CACNA2D3: variants seen among roughly 807,000 people sequenced by gnomAD.
CACNA2D3 encodes the protein calcium voltage-gated channel auxiliary subunit alpha2delta 3, also known as voltage-dependent calcium channel subunit alpha-2/delta-3.
In CACNA2D3, 60 loss-of-function variants were observed where a neutral mutation model predicts 160.6. The observed-to-expected ratio is 0.37, with a 90% CI of 0.30 to 0.46. CACNA2D3 has a LOEUF of 0.46. Among genes scored for constraint, CACNA2D3 ranks in the 20% least tolerant of loss-of-function variants. The probability of loss-of-function intolerance (pLI) is 1.00; values close to 1 mark genes in which losing one functional copy is unlikely to be tolerated. For missense variants in CACNA2D3, 1,205 were observed against 1,365.0 expected (o/e 0.88, Z 1.85); for synonymous variants, 558 against 492.9 (o/e 1.13, Z -1.75).
chr3:54,789,581 T>C (rs927313837), intron 13 of CACNA2D3, among the ~76,000 whole-genome samples: 2 of 152,218 alleles, frequency 1.3e-5, no homozygotes, highest in African/African-American at 4.8e-5. Flanking sequence ...ATGAAGCTAT[T>C]TCCAAAATCA....
At chr3:55,040,104 G>A (rs986233804) in intron 35 of CACNA2D3, among the ~76,000 whole-genome samples, 3 of 152,112 alleles carry the variant, frequency 2.0e-5, no homozygotes, top group Non-Finnish European at 4.4e-5. Flanking sequence ...GTTAGTGAAT[G>A]GCCTTCTTGC....
intron 11 of CACNA2D3, among the ~76,000 whole-genome samples, chr3:54,664,043 A>G (rs1700020450): frequency 1.3e-5 from 2 of 152,252 alleles, no homozygotes; most frequent in South Asian, 4.1e-4. Context: ...GCAAGTGTGG[A>G]GAGTGGAAAA....
chr3:54,871,708 A>C, intron 18 of CACNA2D3, 86 bp downstream of exon 18: 1 of 1,009,166 alleles, frequency 9.9e-7, no homozygotes, highest in Non-Finnish European at 1.5e-6. Context: ...GAGTTGGCCA[A>C]GAGGCCCACT....
chr3:54,431,279 G>C (rs898437804), intron 4 of CACNA2D3, among the ~76,000 whole-genome samples: 3 of 151,308 alleles, frequency 2.0e-5, no homozygotes, highest in Admixed American at 1.3e-4. Context: ...CGAGGTTGCA[G>C]TGAGCTGAGA....
At chr3:54,994,514 G>A (rs1017327041) in intron 31 of CACNA2D3, among the ~76,000 whole-genome samples, 1 of 152,198 alleles carries the variant, frequency 6.6e-6, no homozygotes, top group Admixed American at 6.5e-5. Flanking sequence ...CAGAGACATG[G>A]AGCTTCCAAT....
At chr3:54,887,846 A>C (rs938685513) in intron 23 of CACNA2D3, 113 bp from the exon 24 acceptor site, 1 of 779,996 alleles carries the variant, frequency 1.3e-6, no homozygotes, top group Admixed American at 2.1e-5. Flanking sequence ...CTCATAAAGC[A>C]ACATGCCGCA....
chr3:54,451,014 A>T (rs1700297113), intron 4 of CACNA2D3, among the ~76,000 whole-genome samples: 1 of 152,050 alleles, frequency 6.6e-6, no homozygotes. Flanking sequence ...AGTCATGGAT[A>T]CCAAGTAGGT....
At chr3:54,240,976 A>C (rs1044405173) in intron 2 of CACNA2D3, among the ~76,000 whole-genome samples, 1 of 151,994 alleles carries the variant, frequency 6.6e-6, no homozygotes, top group African/African-American at 2.4e-5. Flanking sequence ...CCTGACCTCA[A>C]GTGATCCACT....
At chr3:54,753,451 T>C (rs1701906450) in intron 12 of CACNA2D3, among the ~76,000 whole-genome samples, 1 of 152,196 alleles carries the variant, frequency 6.6e-6, no homozygotes, top group African/African-American at 2.4e-5. Context: ...TGAAGGTACA[T>C]GGTCCAGACA....
At chr3:54,356,383 C>G (rs1698649324) in intron 3 of CACNA2D3, among the ~76,000 whole-genome samples, 1 of 152,162 alleles carries the variant, frequency 6.6e-6, no homozygotes, top group South Asian at 2.1e-4. Context: ...TGAGAACTTG[C>G]AGAGTTCAGT....
chr3:54,721,536 G>A (rs1453190124), intron 11 of CACNA2D3, among the ~76,000 whole-genome samples: 1 of 152,014 alleles, frequency 6.6e-6, no homozygotes, highest in Non-Finnish European at 1.5e-5. Flanking sequence ...CAAGGCAGGT[G>A]GATCACCTGA....
intron 27 of CACNA2D3, among the ~76,000 whole-genome samples, chr3:54,920,879 G>T (rs61601184): frequency 2.0e-5 from 3 of 152,132 alleles, no homozygotes; most frequent in Non-Finnish European, 4.4e-5. Context: ...CAGACTTTCT[G>T]TTGTTCGGTA....
At chr3:54,721,622 G>A (rs185225985) in intron 11 of CACNA2D3, among the ~76,000 whole-genome samples, 9 of 152,018 alleles carry the variant, frequency 5.9e-5, no homozygotes, top group Admixed American at 5.2e-4. Context: ...TTAGCCAGGC[G>A]TGGTGGTAGG....
At chr3:54,348,477 G>T (rs949514614) in intron 3 of CACNA2D3, among the ~76,000 whole-genome samples, 2 of 152,152 alleles carry the variant, frequency 1.3e-5, no homozygotes, top group Non-Finnish European at 2.9e-5. Flanking sequence ...ACAATATTGT[G>T]TTTCAAGTTA....
chr3:54,228,868 T>C (rs1701720184), intron 2 of CACNA2D3, among the ~76,000 whole-genome samples: 1 of 152,228 alleles, frequency 6.6e-6, no homozygotes, highest in African/African-American at 2.4e-5. Context: ...GCCCTGCCGC[T>C]CTTCTCTGCA....
chr3:54,846,129 A>T (rs902089444), intron 16 of CACNA2D3, among the ~76,000 whole-genome samples: 1 of 152,220 alleles, frequency 6.6e-6, no homozygotes, highest in African/African-American at 2.4e-5. Flanking sequence ...GTTTTAAATA[A>T]ATCAAAATAA....
chr3:54,373,713 T>G (rs1698963529), intron 3 of CACNA2D3, among the ~76,000 whole-genome samples: 1 of 152,218 alleles, frequency 6.6e-6, no homozygotes, highest in South Asian at 2.1e-4. Context: ...AATTGGAGGC[T>G]TGCTCAATGG....
intron 3 of CACNA2D3, among the ~76,000 whole-genome samples, chr3:54,344,641 A>G (rs896729912): frequency 3.9e-5 from 6 of 152,168 alleles, no homozygotes; most frequent in Admixed American, 2.0e-4. Context: ...TGTGACGTCT[A>G]TGTAGAAATT....
At chr3:54,645,858 ACTT>A (rs1699623996) in intron 11 of CACNA2D3, among the ~76,000 whole-genome samples, 1 of 152,062 alleles carries the variant, frequency 6.6e-6, no homozygotes, top group Non-Finnish European at 1.5e-5. Flanking sequence ...CAGGTTCTCT[ACTT>A]CTGAGCAATC....
Sources: allele counts gnomAD v4.1 joint callset (sites outside exome capture counted in the v4.1 genomes callset), GRCh38; gene constraint gnomAD v4.1.1; transcripts MANE v1.5; gene names NCBI Gene and HGNC (gene_info 2026-07-23, HGNC 2026-07-21).